The following DNM2 variants were observed in gnomAD, a reference collection of about 807,000 sequenced individuals.
The protein encoded by DNM2 is dynamin 2, also known as dynamin-2.
In DNM2, 15 loss-of-function variants were observed where a neutral mutation model predicts 99.0. The ratio of observed to expected loss-of-function variants is 0.15; its 90% confidence interval spans 0.10 to 0.23. DNM2 has a LOEUF of 0.23. Among genes scored for constraint, DNM2 ranks in the 10% least tolerant of loss-of-function variants. The pLI, the probability that DNM2 is intolerant of heterozygous loss-of-function variation, is 1.00. For missense variants in DNM2, 742 were observed against 1,189.4 expected (o/e 0.62, Z 5.53); for synonymous variants, 525 against 481.2 (o/e 1.09, Z -1.19).
intron 10 of DNM2, among the ~76,000 whole-genome samples, chr19:10,797,870 T>C (rs1359469028): frequency 6.6e-6 from 1 of 152,180 alleles, no homozygotes; most frequent in Admixed American, 6.5e-5. Flanking sequence ...TCTCACAGTC[T>C]AGGCCACCTG....
At chr19:10,738,760 C>T (rs976281313) in intron 1 of DNM2, among the ~76,000 whole-genome samples, 2 of 151,476 alleles carry the variant, frequency 1.3e-5, no homozygotes, top group South Asian at 2.1e-4. Context: ...ATCCCAGCTA[C>T]TTGGGAGGCT....
chr19:10,731,520 T>G (rs921077135), intron 1 of DNM2, among the ~76,000 whole-genome samples: 1 of 151,902 alleles, frequency 6.6e-6, no homozygotes, highest in Admixed American at 6.6e-5. Flanking sequence ...GCCTGGCTAA[T>G]TTTTTGTATT....
At chr19:10,823,747 C>T in intron 16 of DNM2, 41 bp from the exon 17 acceptor site, 1 of 1,579,026 alleles carries the variant, frequency 6.3e-7, no homozygotes, top group East Asian at 2.2e-5. Flanking sequence ...AGACCCATGG[C>T]AGGGTCAAGC....
chr19:10,763,852 A>C (rs888878038), intron 2 of DNM2, among the ~76,000 whole-genome samples: 1 of 152,124 alleles, frequency 6.6e-6, no homozygotes, highest in Non-Finnish European at 1.5e-5. Context: ...AGGGACCAGA[A>C]TGCAAGCGGG....
chr19:10,778,019 T>TTTATTTA (rs1555706616), intron 5 of DNM2, among the ~76,000 whole-genome samples: 6 of 138,176 alleles, frequency 4.3e-5, no homozygotes, highest in Non-Finnish European at 9.3e-5. Context: ...TATTTTTTCA[T>TTTATTTA]TTTATTTATT....
rs1162418325 is a variant in DNM2, at chr19:10,817,332, C to T, written c.1672-2648C>T. 2 of 449,044 alleles carry T rather than the reference C, an allele frequency of 4.5e-6. No homozygotes were observed. The highest frequency in any genetic ancestry group is 9.1e-6 in the Non-Finnish European group (2 of 220,088). The allele number at this position is 449,044 out of a possible 1,614,324, so 27.8% of individuals were successfully genotyped here. ...AGGCCCTCGAATCTTCTATGCGAGG[C>T]TCTGCCACAGTGGGAAACGGGGTGG... is the stretch of plus-strand genomic sequence containing the variant. On this transcript the variant is annotated intron_variant, in intron 15 of 20. Coordinates refer to ENST00000389253, the MANE Select transcript of DNM2 (RefSeq NM_001005361.3). This position sits in a 1 kb window ranked among gnomAD's most constrained non-coding sequence, Gnocchi z 4.6.
Position 10,793,739 on chromosome 19 carries a change from G to A in DNM2, c.1012G>A (p.Val338Met), listed in dbSNP as rs753224039. 1.2e-6 allele frequency: 2 copies of A among 1,614,112 alleles called. No homozygotes were observed. Among genetic ancestry groups the A allele is most frequent in the Non-Finnish European group, 1.7e-6 (2 of 1,180,014 alleles). The change falls in exon 8 of 21, where the codon GTG becomes ATG. Residue 338 changes from valine (V) to methionine (M), a missense_variant. Transcript: ENST00000389253. ...TCATAGGATGGTCCAGCAGTTTGGG[G>A]TGGATTTTGAGAAGAGGATCGAGGG... ...ALLQMVQQFGVDFEKRIEGSG... is the reference protein window; with the variant it reads ...ALLQMVQQFGMDFEKRIEGSG...
intron 6 of DNM2, 48 bp from the exon 7 acceptor site, chr19:10,786,516 G>T (rs767013021): frequency 2.5e-6 from 4 of 1,612,522 alleles, no homozygotes; most frequent in Non-Finnish European, 3.4e-6. Context: ...CCACTCCCTG[G>T]TATCCTGCCC....
intron 1 of DNM2, among the ~76,000 whole-genome samples, chr19:10,758,355 CTCCT>C (rs2070480975): frequency 8.8e-6 from 1 of 114,110 alleles, no homozygotes; most frequent in Non-Finnish European, 1.8e-5. Flanking sequence ...CCTTCCCTCC[CTCCT>C]TCCTTCCCTC....
In DNM2 at chr19:10,818,466, G is replaced by C. The variant is rs903884929; in HGVS notation, c.1672-1514G>C. On this transcript the variant is annotated intron_variant, in intron 15 of 20. Coordinates refer to ENST00000389253, the MANE Select transcript of DNM2 (RefSeq NM_001005361.3). This position sits in a 1 kb window ranked among gnomAD's most constrained non-coding sequence, Gnocchi z 4.3. ...AAACTGAGATGAAATGGGAGGTGGCGGGGAAGTGGCTTGCCCGAGGGCACA... is the reference window on the plus strand; with the variant it reads ...AAACTGAGATGAAATGGGAGGTGGCCGGGAAGTGGCTTGCCCGAGGGCACA... 6.6e-6 allele frequency among the ~76,000 whole-genome samples: 1 copy of C among 152,214 alleles called. No individual in the cohort carries two copies. The highest frequency in any genetic ancestry group is 1.5e-5 in the Non-Finnish European group (1 of 68,036).
At chr19:10,786,141 A>T (rs887441470) in intron 6 of DNM2, among the ~76,000 whole-genome samples, 7 of 152,156 alleles carry the variant, frequency 4.6e-5, no homozygotes, top group African/African-American at 1.7e-4. Flanking sequence ...TTCTCTGTAG[A>T]TGCAGATGCA....
In DNM2 at chr19:10,777,205, C is replaced by T. The variant is rs779734638; in HGVS notation, c.677C>T (p.Pro226Leu). ...ARDVLENKLL[P>L]LRRGYIGVVN... ...GACGTCTTGGAGAACAAGTTGCTCC[C>T]GTTGAGAAGAGGTGTGGCTTTGGGG... is the stretch of plus-strand genomic sequence containing the variant. Residue 226 changes from proline (P) to leucine (L), a missense_variant, in exon 5 of 21, where the codon CCG (proline) becomes CTG (leucine). Pro to Leu is a moderately conservative substitution (Grantham distance 98, BLOSUM62 -3). Coordinates refer to ENST00000389253, the MANE Select transcript of DNM2 (RefSeq NM_001005361.3). The T allele has an allele frequency of 1.5e-5, 24 of 1,613,988 alleles. No homozygotes were observed. The highest frequency in any genetic ancestry group is 2.2e-5 in the East Asian group (1 of 44,894).
chr19:10,759,704 A>C, intron 1 of DNM2, 34 bp from the exon 2 acceptor site: 1 of 1,613,616 alleles, frequency 6.2e-7, no homozygotes, highest in Non-Finnish European at 8.5e-7. Context: ...ATCCGGACGC[A>C]AGAGTAATTT....
chr19:10,775,962 G>A lies in DNM2; in HGVS notation c.589+56G>A, dbSNP rs982194152. 2 of 1,589,094 alleles carry A rather than the reference G, an allele frequency of 1.3e-6. No homozygotes were observed. Among genetic ancestry groups the A allele is most frequent in the Admixed American group, 1.7e-5 (1 of 58,774 alleles). On this transcript the variant is annotated intron_variant, in intron 4 of 20. Transcript: ENST00000389253. The surrounding 1 kb of genome is among the most constrained non-coding windows in gnomAD (Gnocchi z 4.3). ...CCAGGTGCCTCTGAGCATGGGATGTGCCCAGCATCCTTGGTTCCAAGTCAC... is the reference window on the plus strand; with the variant it reads ...CCAGGTGCCTCTGAGCATGGGATGTACCCAGCATCCTTGGTTCCAAGTCAC...
intron 13 of DNM2, among the ~76,000 whole-genome samples, chr19:10,806,884 T>C (rs943191726): frequency 6.6e-6 from 1 of 152,080 alleles, no homozygotes; most frequent in Non-Finnish European, 1.5e-5. Context: ...GCCCCAGGGA[T>C]TGGGAGCCCC....
rs2072836285 is a variant in DNM2, at chr19:10,818,205, CGGGCCCCTCTCCT to C, written c.1672-1774_1672-1762del. Among the ~76,000 whole-genome samples, 3 of 115,262 alleles carry C rather than the reference CGGGCCCCTCTCCT, an allele frequency of 2.6e-5. No individual in the cohort carries two copies. Among genetic ancestry groups the C allele is most frequent in the African/African-American group, 8.9e-5 (3 of 33,810 alleles). 75.6% of individuals were successfully genotyped at this position (115,262 alleles called of 152,430 possible). A position where few individuals can be genotyped will look rare whatever the true frequency, so the allele number is the denominator to read the frequency against. Reference sequence around the variant, plus strand: ...GCGGCATCCCTCCCTCCATGGCCACCGGGCCCCTCTCCTATGCTCTGCTCCCTCCATGGCCACC... The same window carrying C: ...GCGGCATCCCTCCCTCCATGGCCACCATGCTCTGCTCCCTCCATGGCCACC... On this transcript the variant is annotated intron_variant, in intron 15 of 20. Transcript: ENST00000389253. The surrounding 1 kb of genome is among the most constrained non-coding windows in gnomAD (Gnocchi z 4.3).
intron 11 of DNM2, among the ~76,000 whole-genome samples, chr19:10,801,838 G>C (rs187565653): frequency 6.7e-6 from 1 of 149,342 alleles, no homozygotes; most frequent in Non-Finnish European, 1.5e-5. Context: ...CCAGGAGGCA[G>C]AGGTTGCAGT....
intron 1 of DNM2, among the ~76,000 whole-genome samples, chr19:10,749,734 T>A (rs1351210462): frequency 6.6e-6 from 1 of 152,226 alleles, no homozygotes; most frequent in African/African-American, 2.4e-5. Flanking sequence ...CTGTTCTAGG[T>A]GCTGAGGATC....
Position 10,793,861 on chromosome 19 carries a change from G to C in DNM2, c.1128+6G>C, listed in dbSNP as rs769166411. On this transcript the variant is annotated splice_donor_region_variant and intron_variant, in intron 8 of 20. Transcript: ENST00000389253. Reference sequence around the variant, plus strand: ...TCCCATTTGAGCTGGTGAAGGTAGTGCCCCCCGGGGCTGGGCCCTCCCGTC... The same window carrying C: ...TCCCATTTGAGCTGGTGAAGGTAGTCCCCCCCGGGGCTGGGCCCTCCCGTC... 3.1e-6 allele frequency: 5 copies of C among 1,614,096 alleles called. No individual in the cohort carries two copies. The highest frequency in any genetic ancestry group is 1.7e-4 in the Middle Eastern group (1 of 6,056).
Sources: allele counts gnomAD v4.1 joint callset (sites outside exome capture counted in the v4.1 genomes callset), GRCh38; gene constraint gnomAD v4.1.1; non-coding constraint Gnocchi (gnomAD v3.1); transcripts MANE v1.5; gene names NCBI Gene and HGNC (gene_info 2026-07-23, HGNC 2026-07-21).